Variants in TTC7B observed in about 807,000 individuals in gnomAD.
TTC7B encodes the protein tetratricopeptide repeat domain 7B, also known as tetratricopeptide repeat protein 7B.
In TTC7B, 28 loss-of-function variants were observed where a neutral mutation model predicts 106.8. That is an observed-to-expected ratio of 0.26 (90% CI 0.19 to 0.36). TTC7B has a LOEUF of 0.36. Among genes scored for constraint, TTC7B ranks in the 10% least tolerant of loss-of-function variants. The pLI is 1.00. For synonymous variants in TTC7B, 405 were observed against 430.6 expected (o/e 0.94, Z 0.74); for missense variants, 862 against 1,076.4 (o/e 0.80, Z 2.79).
chr14:90,651,938 T>C (rs1885736759), intron 13 of TTC7B, among the ~76,000 whole-genome samples: 1 of 152,220 alleles, frequency 6.6e-6, no homozygotes, highest in African/African-American at 2.4e-5. Context: ...CGTAACTAAG[T>C]TTCTAATACA....
chr14:90,583,799 G>A (rs1891604381), intron 18 of TTC7B, among the ~76,000 whole-genome samples: 2 of 152,168 alleles, frequency 1.3e-5, no homozygotes, highest in East Asian at 3.8e-4. Context: ...GTTTGTCCCT[G>A]CTATTGGGTT....
At chr14:90,664,249 G>C (rs1328995754) in intron 9 of TTC7B, among the ~76,000 whole-genome samples, 1 of 152,104 alleles carries the variant, frequency 6.6e-6, no homozygotes, top group South Asian at 2.1e-4. Context: ...TAAAATAAAA[G>C]CATTCACATT....
At chr14:90,639,143 G>C (rs1453601556) in intron 15 of TTC7B, among the ~76,000 whole-genome samples, 1 of 152,102 alleles carries the variant, frequency 6.6e-6, no homozygotes, top group African/African-American at 2.4e-5. Context: ...TCTTGGAGAA[G>C]GGAAAGGTTT....
chr14:90,581,539 G>T (rs1246016051), intron 18 of TTC7B, among the ~76,000 whole-genome samples: 2 of 152,180 alleles, frequency 1.3e-5, no homozygotes, highest in African/African-American at 4.8e-5. Context: ...GAGCAGGACA[G>T]AGCGTCCCTC....
At chr14:90,654,912 G>A in intron 12 of TTC7B, 81 bp downstream of exon 12, 2 of 1,126,866 alleles carry the variant, frequency 1.8e-6, no homozygotes, top group Non-Finnish European at 1.3e-6. Context: ...GAGACAGAAG[G>A]GGACTGTGGG....
At position 90,593,583 on chromosome 14, in the gene TTC7B, C is replaced by G; in HGVS notation, c.2010G>C (p.Gln670His). The change falls in exon 18 of 20, where the codon CAG becomes CAC. Residue 670 changes from glutamine (Q) to histidine (H), a missense_variant. Transcript: ENST00000328459. ...GAGACGAAGCCACTTCCGACAGTGCCTGCTCCACTCTTGAGGCTGCTACCG... is the reference window on the plus strand; with the variant it reads ...GAGACGAAGCCACTTCCGACAGTGCGTGCTCCACTCTTGAGGCTGCTACCG... ...ATSVAASRVEQALSEVASSLQ... is the reference protein window; with the variant it reads ...ATSVAASRVEHALSEVASSLQ... 1 of 1,612,312 alleles carries G rather than the reference C, an allele frequency of 6.2e-7. No individual in the cohort carries two copies. Among genetic ancestry groups the G allele is most frequent in the Non-Finnish European group, 8.5e-7 (1 of 1,178,944 alleles).
chr14:90,665,768 A>C (rs940481999), intron 9 of TTC7B, among the ~76,000 whole-genome samples: 1 of 152,206 alleles, frequency 6.6e-6, no homozygotes, highest in African/African-American at 2.4e-5. Context: ...CCATATCCTA[A>C]AAGTTCTTAT....
At chr14:90,726,215 G>A (rs907383043) in intron 5 of TTC7B, among the ~76,000 whole-genome samples, 3 of 152,214 alleles carry the variant, frequency 2.0e-5, no homozygotes, top group African/African-American at 7.2e-5. Context: ...TCAGAAGGCC[G>A]AGGGGAACCC....
chr14:90,680,765 C>A (rs970715568), intron 7 of TTC7B, among the ~76,000 whole-genome samples: 2 of 152,032 alleles, frequency 1.3e-5, no homozygotes, highest in African/African-American at 4.8e-5. Flanking sequence ...CTGTAAAAAC[C>A]AAGTTAAAAG....
chr14:90,557,964 G>A (rs908987321), intron 19 of TTC7B, among the ~76,000 whole-genome samples: 1 of 152,250 alleles, frequency 6.6e-6, no homozygotes, highest in Non-Finnish European at 1.5e-5. Context: ...TGCATCTCCT[G>A]ACACCTGTGT....
chr14:90,652,815 G>C, intron 13 of TTC7B, 26 bp downstream of exon 13: 1 of 1,613,088 alleles, frequency 6.2e-7, no homozygotes, highest in Non-Finnish European at 8.5e-7. Flanking sequence ...ATGTACAGCC[G>C]AGTGAAAAGA....
At chr14:90,671,470 A>G (rs1241365370) in intron 9 of TTC7B, among the ~76,000 whole-genome samples, 1 of 152,240 alleles carries the variant, frequency 6.6e-6, no homozygotes, top group Non-Finnish European at 1.5e-5. Context: ...AGCCATTAAT[A>G]GTCAAATTCA....
chr14:90,756,384 G>GGTTTTTTTTTTTTTTTTTTTTTT (rs888342468), intron 3 of TTC7B, among the ~76,000 whole-genome samples: 1 of 126,780 alleles, frequency 7.9e-6, no homozygotes, highest in Non-Finnish European at 1.6e-5. Flanking sequence ...TTTTTTTTTT[G>GGTTTTTTTTTTTTTTTTTTTTTT]TTTTTTTTTT....
chr14:90,695,666 A>T (rs1887717483), intron 5 of TTC7B, 88 bp from the exon 6 acceptor site: 1 of 779,628 alleles, frequency 1.3e-6, no homozygotes, highest in Non-Finnish European at 1.9e-6. Flanking sequence ...TTTTGTCTGC[A>T]TAAAAGCTGT....
intron 4 of TTC7B, among the ~76,000 whole-genome samples, 174 bp from the exon 5 acceptor site, chr14:90,730,370 A>G (rs1191469001): frequency 6.6e-6 from 1 of 152,164 alleles, no homozygotes; most frequent in African/African-American, 2.4e-5. Flanking sequence ...GAATGGTTCT[A>G]CTAGACAGGA....
intron 17 of TTC7B, chr14:90,602,079 G>A: frequency 2.2e-6 from 1 of 455,204 alleles, no homozygotes; most frequent in Admixed American, 2.4e-5. Context: ...TCAGAGGGTG[G>A]AATCAACTCT....
chr14:90,778,784 C>T (rs774342781), intron 3 of TTC7B, among the ~76,000 whole-genome samples: 5 of 152,166 alleles, frequency 3.3e-5, no homozygotes, highest in Non-Finnish European at 7.3e-5. Context: ...AGTGCCCTGT[C>T]GAGAGCAAGG....
At chr14:90,787,749 T>C (rs1255559862) in intron 1 of TTC7B, among the ~76,000 whole-genome samples, 1 of 152,188 alleles carries the variant, frequency 6.6e-6, no homozygotes, top group Non-Finnish European at 1.5e-5. Flanking sequence ...ATCTATGTAC[T>C]GGGAAGCCTA....
In TTC7B at chr14:90,586,036, C is replaced by T. The variant is rs990717470; in HGVS notation, c.2107+7450G>A. ...GCTGTTATGTGGTTGTCCTAACTCT[C>T]TTCATTTAATAGAAGACATAGAGGC... is the stretch of plus-strand genomic sequence containing the variant. On this transcript the variant is annotated intron_variant, in intron 18 of 19. Coordinates refer to ENST00000328459, the MANE Select transcript of TTC7B (RefSeq NM_001010854.2). Among the ~76,000 whole-genome samples the T allele has an allele frequency of 2.0e-5, 3 of 152,212 alleles. No individual in the cohort carries two copies. In the South Asian group the frequency reaches 6.2e-4, roughly 32 times the overall value.
Sources: gnomAD v4.1 joint callset for allele counts (sites outside exome capture counted in the v4.1 genomes callset) on GRCh38, gnomAD v4.1.1 for gene constraint, MANE v1.5 for transcripts, NCBI Gene and HGNC (gene_info 2026-07-23, HGNC 2026-07-21) for gene names.